NKAIN3: variants seen among roughly 807,000 people sequenced by gnomAD.
The protein encoded by NKAIN3 is sodium/potassium transporting ATPase interacting 3, also known as sodium/potassium-transporting ATPase subunit beta-1-interacting protein 3.
A neutral mutation model predicts 30.2 loss-of-function variants in NKAIN3; 25 were observed. That is an observed-to-expected ratio of 0.83 (90% CI 0.60 to 1.16). The LOEUF (loss-of-function observed/expected upper bound fraction) is 1.16. NKAIN3 is among the 50% of genes most tolerant of loss of function. The probability of loss-of-function intolerance (pLI) is 0.00; values close to 1 mark genes in which losing one functional copy is unlikely to be tolerated. For missense variants in NKAIN3, 225 were observed against 254.1 expected (o/e 0.89, Z 0.78); for synonymous variants, 91 against 89.6 (o/e 1.02, Z -0.09).
intron 3 of NKAIN3, among the ~76,000 whole-genome samples, chr8:62,644,434 GT>G (rs10706663): frequency 0.4 from 59,935 of 151,606 alleles, 12,778 homozygotes; most frequent in East Asian, 0.65. Flanking sequence ...GGCTAATAGT[GT>G]TTTTTTTAAG....
chr8:62,713,021 G>A (rs530244626), intron 3 of NKAIN3, among the ~76,000 whole-genome samples: 1 of 152,160 alleles, frequency 6.6e-6, no homozygotes, highest in Non-Finnish European at 1.5e-5. Context: ...GTGTGTGTTC[G>A]GTAGAGGAGA....
At chr8:62,803,442 A>G (rs1413218758) in intron 4 of NKAIN3, among the ~76,000 whole-genome samples, 1 of 152,226 alleles carries the variant, frequency 6.6e-6, no homozygotes, top group African/African-American at 2.4e-5. Context: ...ATCAAACTAG[A>G]ACTCAGGATT....
rs147143128 is a variant in NKAIN3 at position 62,369,236 on chromosome 8, C to T, written c.54+120109C>T. Among the ~76,000 whole-genome samples, 400 of 152,110 alleles carry T rather than the reference C, an allele frequency of 2.6e-3. 2 individuals carry two copies. Among genetic ancestry groups the T allele is most frequent in the African/African-American group, 9.3e-3 (388 of 41,524 alleles). ...TTTTTTCTGTTGTTTTTGTGGCAAG[C>T]CCTTTCTGGTATAAAGACAAATGTC... On this transcript the variant is annotated intron_variant, in intron 1 of 6. Transcript: ENST00000623646.
chr8:62,474,556 G>A (rs1201085918), intron 1 of NKAIN3, among the ~76,000 whole-genome samples: 1 of 152,008 alleles, frequency 6.6e-6, no homozygotes, highest in African/African-American at 2.4e-5. Flanking sequence ...TCTTAGAGAG[G>A]AATAATAATA....
intron 1 of NKAIN3, among the ~76,000 whole-genome samples, chr8:62,320,188 G>C (rs1387855443): frequency 2.6e-5 from 4 of 152,092 alleles, no homozygotes; most frequent in Admixed American, 6.6e-5. Flanking sequence ...TTGCTTGGTA[G>C]ATCTTCCTCC....
chr8:62,702,887 C>G (rs1814385553), intron 3 of NKAIN3, among the ~76,000 whole-genome samples: 1 of 152,098 alleles, frequency 6.6e-6, no homozygotes, highest in Non-Finnish European at 1.5e-5. Flanking sequence ...ATTATGACCA[C>G]ATATACAACA....
chr8:62,295,310 A>G (rs1813790536), intron 1 of NKAIN3, among the ~76,000 whole-genome samples: 1 of 152,108 alleles, frequency 6.6e-6, no homozygotes, highest in South Asian at 2.1e-4. Context: ...TCTGACTCTA[A>G]TTTTTGTAAG....
intron 3 of NKAIN3, among the ~76,000 whole-genome samples, chr8:62,683,008 GTTTTGTTTGTTTGTTT>G (rs1311005572): frequency 6.7e-6 from 1 of 149,670 alleles, no homozygotes; most frequent in Admixed American, 6.6e-5. Context: ...TATGTGTCAG[GTTTTGTTTGTTTGTTT>G]TTTTGTTTGT....
intron 4 of NKAIN3, among the ~76,000 whole-genome samples, chr8:62,870,689 CTCTATCTA>C (rs1216857917): frequency 1.2e-4 from 12 of 98,478 alleles, no homozygotes; most frequent in East Asian, 1.2e-3. Flanking sequence ...ATCTATATCT[CTCTATCTA>C]TATATCTATA....
chr8:62,906,033 G>C (rs1039373518), intron 4 of NKAIN3, among the ~76,000 whole-genome samples: 3 of 152,132 alleles, frequency 2.0e-5, no homozygotes, highest in Non-Finnish European at 2.9e-5. Context: ...AAGTAGGCTG[G>C]CTTCACCTTA....
chr8:62,503,645 A>G lies in NKAIN3; in HGVS notation c.55-75894A>G, dbSNP rs1397478513. ...CTATGGACCTTCCCCCAGGAATGCA[A>G]TTCTTTTCCTAGGGTCTTAATATTA... On this transcript the variant is annotated intron_variant, in intron 1 of 6. Coordinates refer to ENST00000623646, the MANE Select transcript of NKAIN3 (RefSeq NM_001304533.3). Among the ~76,000 whole-genome samples, 9 of 152,032 alleles carry G rather than the reference A, an allele frequency of 5.9e-5. No individual in the cohort carries two copies. In the East Asian group the frequency reaches 1.2e-3, roughly 20 times the overall value.
At chr8:62,860,615 C>G (rs1000231374) in intron 4 of NKAIN3, among the ~76,000 whole-genome samples, 6 of 152,212 alleles carry the variant, frequency 3.9e-5, no homozygotes, top group Admixed American at 3.3e-4. Context: ...CCCACTTCTT[C>G]CTGCTAAACA....
intron 5 of NKAIN3, among the ~76,000 whole-genome samples, chr8:62,937,233 A>T (rs1489133750): frequency 2.0e-5 from 3 of 152,164 alleles, no homozygotes; most frequent in African/African-American, 7.2e-5. Context: ...GACTCACATC[A>T]TGAACTTTTG....
rs1279324433 is a variant in NKAIN3 at position 62,976,834 on chromosome 8, C to T, written c.*11427C>T. ...AGTGGCTGGTACTGGTTGTTCCTTT[C>T]CATATTTAGTACTTCTTTCAGAAGC... On this transcript the variant is annotated 3_prime_UTR_variant, in exon 7 of 7. Transcript: ENST00000623646. Among the ~76,000 whole-genome samples the T allele has an allele frequency of 6.6e-5, 10 of 152,138 alleles. No individual in the cohort carries two copies.
intron 1 of NKAIN3, among the ~76,000 whole-genome samples, chr8:62,353,573 A>G (rs1156901643): frequency 6.6e-6 from 1 of 152,180 alleles, no homozygotes; most frequent in Non-Finnish European, 1.5e-5. Flanking sequence ...GAGATATAGC[A>G]CTAGATTATA....
chr8:62,383,416 C>T, intron 1 of NKAIN3: 1 of 434,006 alleles, frequency 2.3e-6, no homozygotes, highest in Non-Finnish European at 4.6e-6. Flanking sequence ...GCATTAGATC[C>T]TGGTGCTCAC....
chr8:62,743,729 C>T (rs1815981638), intron 3 of NKAIN3, among the ~76,000 whole-genome samples: 1 of 152,140 alleles, frequency 6.6e-6, no homozygotes, highest in South Asian at 2.1e-4. Context: ...GCCTGGTCAA[C>T]AGATGGAGAC....
intron 1 of NKAIN3, among the ~76,000 whole-genome samples, chr8:62,475,442 G>A (rs755353281): frequency 7.9e-5 from 12 of 152,146 alleles, no homozygotes; most frequent in Admixed American, 5.2e-4. Flanking sequence ...TTCTGTTCCA[G>A]ACTTTTTTTC....
At chr8:62,679,672 GGAAA>G (rs1327303795) in intron 3 of NKAIN3, among the ~76,000 whole-genome samples, 1 of 152,094 alleles carries the variant, frequency 6.6e-6, no homozygotes, top group Non-Finnish European at 1.5e-5. Context: ...AGAGCAGAAG[GGAAA>G]GAGAGAGAGC....
Sources: gnomAD v4.1 joint callset for allele counts (sites outside exome capture counted in the v4.1 genomes callset) on GRCh38, gnomAD v4.1.1 for gene constraint, MANE v1.5 for transcripts, NCBI Gene and HGNC (gene_info 2026-07-23, HGNC 2026-07-21) for gene names.